DYNC1I1: variants seen among roughly 807,000 people sequenced by gnomAD.
DYNC1I1 encodes the protein cytoplasmic dynein 1 intermediate chain 1.
In DYNC1I1, 43 loss-of-function variants were observed where a neutral mutation model predicts 86.6. That is an observed-to-expected ratio of 0.50 (90% CI 0.39 to 0.64). The LOEUF is 0.64. Among genes scored for constraint, DYNC1I1 ranks in the 30% least tolerant of loss-of-function variants. The pLI is 0.00. For synonymous variants in DYNC1I1, 262 were observed against 283.7 expected, an observed-to-expected ratio of 0.92 and a Z score of 0.77; for missense variants, 604 against 788.8, an observed-to-expected ratio of 0.77 and a Z score of 2.81.
At chr7:95,835,002 G>T (rs1789035884) in intron 5 of DYNC1I1, among the ~76,000 whole-genome samples, 1 of 130,904 alleles carries the variant, frequency 7.6e-6, no homozygotes, top group African/African-American at 2.9e-5. Context: ...GTTATTTCTT[G>T]CCTTCTGCTA....
chr7:95,862,358 A>G (rs1217495269), intron 5 of DYNC1I1, among the ~76,000 whole-genome samples: 1 of 152,198 alleles, frequency 6.6e-6, no homozygotes. Flanking sequence ...AACCATTAAA[A>G]AAAAAACAAA....
intron 10 of DYNC1I1, among the ~76,000 whole-genome samples, chr7:96,026,606 A>G (rs1425159447): frequency 1.3e-5 from 2 of 152,070 alleles, no homozygotes; most frequent in African/African-American, 2.4e-5. Flanking sequence ...ACTTCCTACT[A>G]TCTGATTCTT....
intron 4 of DYNC1I1, among the ~76,000 whole-genome samples, chr7:95,826,782 C>T (rs1438892937): frequency 6.6e-6 from 1 of 151,996 alleles, no homozygotes. Context: ...ACATTTAAGC[C>T]AAGACACAAA....
chr7:95,816,776 A>G (rs528536792), intron 4 of DYNC1I1, among the ~76,000 whole-genome samples: 4 of 152,354 alleles, frequency 2.6e-5, no homozygotes, highest in South Asian at 2.1e-4. Context: ...GTCTTACCAT[A>G]TAATTTAGCA....
At position 95,823,952 on chromosome 7, in the gene DYNC1I1, CTATATATATA is replaced by C. The variant is rs71127429; in HGVS notation, c.315-4087_315-4078del. On this transcript the variant is annotated intron_variant, in intron 4 of 16. Coordinates refer to ENST00000447467, the MANE Select transcript of DYNC1I1 (RefSeq NM_001135556.2). Reference sequence around the variant, plus strand: ...TTACTTTCAGATTTGTTCTACTAAACTATATATATATATATATATATATATATGTTTTGGT... The same window carrying C: ...TTACTTTCAGATTTGTTCTACTAAACTATATATATATATATATGTTTTGGT... Among the ~76,000 whole-genome samples, 467 of 77,876 alleles carry C rather than the reference CTATATATATA, an allele frequency of 6.0e-3. 29 individuals are homozygous for C. The highest frequency in any genetic ancestry group is 0.027 in the African/African-American group (401 of 15,122). 51.1% of individuals were successfully genotyped at this position (77,876 alleles called of 152,430 possible). A position where few individuals can be genotyped will look rare whatever the true frequency, so the allele number is the denominator to read the frequency against.
chr7:95,798,086 AC>A (rs2115757722), intron 1 of DYNC1I1, among the ~76,000 whole-genome samples: 1 of 152,312 alleles, frequency 6.6e-6, no homozygotes, highest in South Asian at 2.1e-4. Context: ...TAGATAACCT[AC>A]ATAAAAACAT....
intron 6 of DYNC1I1, among the ~76,000 whole-genome samples, chr7:95,953,763 A>T (rs1281660150): frequency 6.6e-6 from 1 of 152,200 alleles, no homozygotes; most frequent in Admixed American, 6.5e-5. Flanking sequence ...CGTTCTTGCT[A>T]GTTGTTTGAG....
intron 6 of DYNC1I1, among the ~76,000 whole-genome samples, chr7:95,886,008 C>G (rs1304496435): frequency 6.6e-6 from 1 of 152,208 alleles, no homozygotes; most frequent in African/African-American, 2.4e-5. Flanking sequence ...CTGGGTAACA[C>G]TGTTTAATAA....
chr7:95,924,530 T>C (rs1342852859), intron 6 of DYNC1I1, among the ~76,000 whole-genome samples: 2 of 152,212 alleles, frequency 1.3e-5, no homozygotes, highest in African/African-American at 4.8e-5. Flanking sequence ...AAATTACATA[T>C]GTGGCTTGCA....
chr7:95,847,390 C>T (rs3779485), intron 5 of DYNC1I1, among the ~76,000 whole-genome samples: 4,597 of 152,228 alleles, frequency 0.03, 186 homozygotes, highest in Admixed American at 0.1. Flanking sequence ...CCCAACCATC[C>T]GCCTTTGCTT....
chr7:95,942,114 T>C (rs1159813201), intron 6 of DYNC1I1, among the ~76,000 whole-genome samples: 1 of 151,994 alleles, frequency 6.6e-6, no homozygotes, highest in Non-Finnish European at 1.5e-5. Flanking sequence ...ACAAAATTGA[T>C]AGACCGCTAG....
intron 6 of DYNC1I1, among the ~76,000 whole-genome samples, chr7:95,925,607 G>A (rs998377399): frequency 1.3e-5 from 2 of 152,076 alleles, no homozygotes; most frequent in Admixed American, 6.6e-5. Context: ...TGGCATAAAC[G>A]CTGTAACATT....
chr7:95,809,830 A>C (rs1327542099), intron 2 of DYNC1I1, among the ~76,000 whole-genome samples: 1 of 152,204 alleles, frequency 6.6e-6, no homozygotes, highest in African/African-American at 2.4e-5. Flanking sequence ...GTACCAAGAC[A>C]TATCAATATT....
At chr7:95,917,562 C>T (rs1562943377) in intron 6 of DYNC1I1, among the ~76,000 whole-genome samples, 1 of 152,164 alleles carries the variant, frequency 6.6e-6, no homozygotes, top group Non-Finnish European at 1.5e-5. Context: ...TACAGAACCC[C>T]ATCCCCAATC....
At chr7:95,874,736 C>T (rs1032149825) in intron 6 of DYNC1I1, among the ~76,000 whole-genome samples, 8 of 152,152 alleles carry the variant, frequency 5.3e-5, no homozygotes, top group African/African-American at 1.2e-4. Flanking sequence ...CAGCTGTCTG[C>T]GAGCCAGAAA....
chr7:95,978,799 A>T (rs1025182378), intron 7 of DYNC1I1, among the ~76,000 whole-genome samples: 1 of 147,064 alleles, frequency 6.8e-6, no homozygotes, highest in Non-Finnish European at 1.5e-5. Flanking sequence ...GTTAAATGGG[A>T]CAATTTTTTT....
rs554880066 is a variant in DYNC1I1 at position 95,939,165 on chromosome 7, T to A, written c.491-38347T>A. On this transcript the variant is annotated intron_variant, in intron 6 of 16. Coordinates refer to ENST00000447467, the MANE Select transcript of DYNC1I1 (RefSeq NM_001135556.2). The stretch of plus-strand genomic sequence containing the variant: ...GATTGCACTGTGGTCTGAGAGACAG[T>A]TTGTTATAATTTCTGATCTTTTACA... Among the ~76,000 whole-genome samples the A allele has an allele frequency of 2.6e-5, 4 of 152,298 alleles. No individual in the cohort carries two copies. In the East Asian group the frequency reaches 7.7e-4, roughly 29 times the overall value.
At chr7:95,916,222 T>A (rs1791464335) in intron 6 of DYNC1I1, among the ~76,000 whole-genome samples, 1 of 152,238 alleles carries the variant, frequency 6.6e-6, no homozygotes, top group Non-Finnish European at 1.5e-5. Flanking sequence ...AAAACATTTC[T>A]CAAAATGAAA....
intron 6 of DYNC1I1, among the ~76,000 whole-genome samples, chr7:95,975,964 TTGTG>T (rs113806940): frequency 1.3e-5 from 2 of 152,020 alleles, no homozygotes; most frequent in South Asian, 4.2e-4. Flanking sequence ...AAATGGAATT[TTGTG>T]TGTGTGTGTG....
Sources: allele counts gnomAD v4.1 joint callset (sites outside exome capture counted in the v4.1 genomes callset), GRCh38; gene constraint gnomAD v4.1.1; transcripts MANE v1.5; gene names NCBI Gene and HGNC (gene_info 2026-07-23, HGNC 2026-07-21).